Variants in ATP2B2 observed in about 807,000 individuals in gnomAD.
The protein encoded by ATP2B2 is plasma membrane calcium-transporting ATPase 2.
Under a neutral mutation model 120.0 loss-of-function variants are expected in ATP2B2, and 15 were observed. That is an observed-to-expected ratio of 0.12 (90% CI 0.08 to 0.19). The LOEUF (loss-of-function observed/expected upper bound fraction) is 0.19. ATP2B2 is among the 10% of genes least tolerant of loss of function. ATP2B2 has a pLI of 1.00. For synonymous variants in ATP2B2, 694 were observed against 700.3 expected (o/e 0.99, Z 0.14); for missense variants, 1,045 against 1,719.8 (o/e 0.61, Z 6.94).
At chr3:10,589,581 C>T (rs1178772212) in intron 2 of ATP2B2, among the ~76,000 whole-genome samples, 3 of 152,214 alleles carry the variant, frequency 2.0e-5, no homozygotes, top group Admixed American at 6.5e-5. Flanking sequence ...AACACAGGAC[C>T]AGCCCTTGTC....
In ATP2B2 at chr3:10,338,526, CTTTTTTT is replaced by C. The variant is rs34558372; in HGVS notation, c.3238-175_3238-169del. On this transcript the variant is annotated intron_variant, in intron 21 of 22. Transcript: ENST00000360273. The stretch of plus-strand genomic sequence containing the variant: ...TCCTCAGCCCAGTCTTTGACAATGT[CTTTTTTT>C]TTTTTTTTTTTTTTTTTGAGATGGA... 1.5e-3 allele frequency among the ~76,000 whole-genome samples: 136 copies of C among 88,482 alleles called. 2 individuals carry two copies. Among genetic ancestry groups the C allele is most frequent in the South Asian group, 2.7e-3 (7 of 2,590 alleles). 58.0% of individuals were successfully genotyped at this position (88,482 alleles called of 152,430 possible).
At chr3:10,590,915 C>T (rs547079614) in intron 2 of ATP2B2, among the ~76,000 whole-genome samples, 1 of 152,210 alleles carries the variant, frequency 6.6e-6, no homozygotes, top group East Asian at 1.9e-4. Flanking sequence ...CCACACTTTA[C>T]AAGCTGGGGA....
chr3:10,694,793 G>T (rs760307189), intron 1 of ATP2B2, among the ~76,000 whole-genome samples: 3 of 152,126 alleles, frequency 2.0e-5, no homozygotes, highest in Non-Finnish European at 4.4e-5. Flanking sequence ...ACATTAAGGG[G>T]ATCTTGGGCA....
At chr3:10,565,782 C>T (rs1407809228) in intron 2 of ATP2B2, among the ~76,000 whole-genome samples, 2 of 152,178 alleles carry the variant, frequency 1.3e-5, no homozygotes, top group South Asian at 2.1e-4. Context: ...CTTCAACAAA[C>T]GTAATACAGT....
intron 1 of ATP2B2, among the ~76,000 whole-genome samples, chr3:10,488,366 G>C (rs71623102): frequency 1 from 140,215 of 140,894 alleles, 69,770 homozygotes; most frequent in Admixed American, 1. Flanking sequence ...CCCACAAATC[G>C]ATCCATCCAT....
chr3:10,653,712 C>T (rs2070529318), intron 1 of ATP2B2, among the ~76,000 whole-genome samples: 2 of 152,212 alleles, frequency 1.3e-5, no homozygotes, highest in African/African-American at 2.4e-5. Context: ...CTCCATAAGG[C>T]ATGTGCCATT....
intron 8 of ATP2B2, among the ~76,000 whole-genome samples, chr3:10,383,377 G>A (rs2061585356): frequency 1.3e-5 from 2 of 152,146 alleles, no homozygotes; most frequent in South Asian, 2.1e-4. Flanking sequence ...CATATTCAAG[G>A]CTCTGAGCAG....
At chr3:10,444,987 G>A (rs1244933869) in intron 2 of ATP2B2, among the ~76,000 whole-genome samples, 1 of 152,232 alleles carries the variant, frequency 6.6e-6, no homozygotes, top group Non-Finnish European at 1.5e-5. Flanking sequence ...CCTGCCTCTA[G>A]GCCTCCCGGA....
chr3:10,647,600 A>G (rs1392959807), intron 1 of ATP2B2, among the ~76,000 whole-genome samples: 2 of 152,064 alleles, frequency 1.3e-5, no homozygotes, highest in Non-Finnish European at 2.9e-5. Context: ...GGCCCTGGTA[A>G]GGTTTCGGAG....
intron 2 of ATP2B2, among the ~76,000 whole-genome samples, chr3:10,543,193 C>T (rs2067475098): frequency 6.6e-6 from 1 of 152,182 alleles, no homozygotes; most frequent in African/African-American, 2.4e-5. Context: ...TAATAGCAGA[C>T]TGCTTTTGAA....
At chr3:10,705,736 C>T (rs960776480) in intron 1 of ATP2B2, among the ~76,000 whole-genome samples, 5 of 152,210 alleles carry the variant, frequency 3.3e-5, no homozygotes, top group African/African-American at 1.2e-4. Context: ...CGTACACAGC[C>T]TGGCAAAAAA....
intron 2 of ATP2B2, among the ~76,000 whole-genome samples, chr3:10,549,811 T>C (rs191138961): frequency 2.0e-5 from 3 of 152,200 alleles, no homozygotes; most frequent in East Asian, 3.9e-4. Context: ...CCAGGGAAGA[T>C]AGAAAAGTGA....
intron 1 of ATP2B2, among the ~76,000 whole-genome samples, chr3:10,638,485 T>C (rs2070083917): frequency 6.6e-6 from 1 of 151,780 alleles, no homozygotes; most frequent in African/African-American, 2.4e-5. Context: ...TTAGAGATAA[T>C]AAGCTAACAA....
chr3:10,588,404 G>A (rs536858130), intron 2 of ATP2B2, among the ~76,000 whole-genome samples: 1 of 152,260 alleles, frequency 6.6e-6, no homozygotes, highest in Admixed American at 6.5e-5. Context: ...CCAGCAGTGG[G>A]CACTCACCAA....
At chr3:10,442,595 AT>A (rs986398826) in intron 2 of ATP2B2, among the ~76,000 whole-genome samples, 3 of 152,054 alleles carry the variant, frequency 2.0e-5, no homozygotes, top group African/African-American at 7.2e-5. Flanking sequence ...CTTTTGAAGG[AT>A]TTTTTTTACC....
At chr3:10,590,131 C>T (rs1040031125) in intron 2 of ATP2B2, among the ~76,000 whole-genome samples, 2 of 152,186 alleles carry the variant, frequency 1.3e-5, no homozygotes, top group Admixed American at 6.5e-5. Flanking sequence ...GCAATTGGAT[C>T]TCCAGCCACT....
At chr3:10,460,134 G>A (rs913679073) in intron 1 of ATP2B2, among the ~76,000 whole-genome samples, 7 of 152,252 alleles carry the variant, frequency 4.6e-5, no homozygotes, top group African/African-American at 1.7e-4. Flanking sequence ...GCTGATGGAT[G>A]GACGGAGGTC....
chr3:10,329,204 G>T lies in ATP2B2; in HGVS notation c.3421-79C>A. On this transcript the variant is annotated intron_variant, in intron 22 of 22. Transcript: ENST00000360273. The surrounding 1 kb of genome is among the most constrained non-coding windows in gnomAD (Gnocchi z 5.9). ...CGGGGGGCTCACAGGAGGGGCGGGT[G>T]GGAGAAGGGTTAGGGCAAAGCAGGT... 2 of 1,289,786 alleles carry T rather than the reference G, an allele frequency of 1.6e-6. No homozygotes were observed. Among genetic ancestry groups the T allele is most frequent in the Non-Finnish European group, 1.1e-6 (1 of 907,172 alleles). The allele number at this position is 1,289,786 out of a possible 1,614,324, so 79.9% of individuals were successfully genotyped here. A position where few individuals can be genotyped will look rare whatever the true frequency, so the allele number is the denominator to read the frequency against.
In ATP2B2 at chr3:10,682,295, C is replaced by T. The variant is rs148806057; in HGVS notation, c.-460+25620G>A. On this transcript the variant is annotated intron_variant, in intron 1 of 21. Transcript: ENST00000646379. ...GACTCCCATTTAAATGAATGTGTTACCACCAGAGGTAGGGAGGACTCCCAG... is the reference window on the plus strand; with the variant it reads ...GACTCCCATTTAAATGAATGTGTTATCACCAGAGGTAGGGAGGACTCCCAG... Among the ~76,000 whole-genome samples the T allele has an allele frequency of 2.0e-5, 3 of 152,316 alleles. No individual in the cohort carries two copies. In the East Asian group the frequency reaches 5.8e-4, roughly 29 times the overall value.
Sources: gnomAD v4.1 joint callset for allele counts (sites outside exome capture counted in the v4.1 genomes callset) on GRCh38, gnomAD v4.1.1 for gene constraint, Gnocchi (gnomAD v3.1) non-coding constraint, MANE v1.5 for transcripts, NCBI Gene and HGNC (gene_info 2026-07-23, HGNC 2026-07-21) for gene names.